The following COQ9 variants were observed in gnomAD, a reference collection of about 807,000 sequenced individuals.
The protein encoded by COQ9 is coenzyme Q9, also known as ubiquinone biosynthesis protein COQ9, mitochondrial.
In COQ9, 35 loss-of-function variants were observed where a neutral mutation model predicts 42.4. The ratio of observed to expected loss-of-function variants is 0.83; its 90% CI spans 0.63 to 1.10. The LOEUF (loss-of-function observed/expected upper bound fraction) is 1.10. Ranked by LOEUF, COQ9 falls within the 50% of genes least tolerant of loss-of-function variation. The pLI is 0.00. For synonymous variants in COQ9, 155 were observed against 155.1 expected (o/e 1.00, Z 0.00); for missense variants, 406 against 414.6 (o/e 0.98, Z 0.18).
rs2030155081 is a variant in COQ9 at position 57,447,597 on chromosome 16, C to T, written c.73+19C>T. 3 of 1,245,750 alleles carry T rather than the reference C, an allele frequency of 2.4e-6. No individual in the cohort carries two copies. The highest frequency in any genetic ancestry group is 3.7e-5 in the South Asian group (1 of 27,154). 77.2% of individuals were successfully genotyped at this position (1,245,750 alleles called of 1,614,324 possible). On this transcript the variant is annotated intron_variant, in intron 1 of 8. Coordinates refer to ENST00000262507, the MANE Select transcript of COQ9 (RefSeq NM_020312.4). Reference sequence around the variant, plus strand: ...CTGCCCGGTGAGGGGGCTGCCAAGCCGGGGAGAGGCGGGGAGCGCGGAGGG... The same window carrying T: ...CTGCCCGGTGAGGGGGCTGCCAAGCTGGGGAGAGGCGGGGAGCGCGGAGGG...
At position 57,447,481 on chromosome 16, in the gene COQ9, C is replaced by T. The variant is rs547268811; in HGVS notation, c.-25C>T. The stretch of plus-strand genomic sequence containing the variant: ...GTCCCGTAGCTACCGGTCGCGTCGC[C>T]GTGGGCGACGTGCCCGCTTCCAAAA... On this transcript the variant is annotated 5_prime_UTR_variant, in exon 1 of 9. Transcript: ENST00000262507. 6 of 1,281,306 alleles carry T rather than the reference C, an allele frequency of 4.7e-6. No individual in the cohort carries two copies. Among genetic ancestry groups the T allele is most frequent in the African/African-American group, 3.1e-5 (2 of 64,806 alleles). The allele number at this position is 1,281,306 out of a possible 1,614,324, so 79.4% of individuals were successfully genotyped here.
At chr16:57,449,301 G>A (rs565238180) in intron 1 of COQ9, among the ~76,000 whole-genome samples, 2 of 152,144 alleles carry the variant, frequency 1.3e-5, no homozygotes, top group Non-Finnish European at 2.9e-5. Flanking sequence ...CACTTTAAAG[G>A]GGGGTAGGGT....
Position 57,459,702 on chromosome 16 carries a change from G to A in COQ9, c.849G>A (p.Met283Ile), listed in dbSNP as rs863223939. Residue 283 changes from methionine (M) to isoleucine (I), a missense_variant, in exon 7 of 9, where the codon ATG (methionine) becomes ATA (isoleucine). By Grantham distance (10) the Met-to-Ile change is conservative (BLOSUM62 1). Transcript: ENST00000262507. ...LENRVNDAMN[M>I]GHTAKQVKST... The stretch of plus-strand genomic sequence containing the variant: ...ACCGGGTTAATGATGCAATGAACAT[G>A]GGCCACACTGCCAAGCAGGTAGGTG... The A allele has an allele frequency of 6.2e-7, 1 of 1,614,166 alleles. No homozygotes were observed. The highest frequency in any genetic ancestry group is 8.5e-7 in the Non-Finnish European group (1 of 1,180,008).
At position 57,447,540 on chromosome 16, in the gene COQ9, G is replaced by C; in HGVS notation, c.35G>C (p.Arg12Pro). ...GCGGCGGTATCTGGTGCGCTTGGCC[G>C]GGCGGGCTGGAGGCTCCTGCAGCTG... ...AAAAVSGALG[R>P]AGWRLLQLRC... Residue 12 changes from arginine (R) to proline (P), a missense_variant, in exon 1 of 9, where the codon CGG becomes CCG. Transcript: ENST00000262507. 7.6e-7 allele frequency: 1 copy of C among 1,309,736 alleles called. No homozygotes were observed. Among genetic ancestry groups the C allele is most frequent in the Non-Finnish European group, 9.8e-7 (1 of 1,023,584 alleles). 81.1% of individuals were successfully genotyped at this position (1,309,736 alleles called of 1,614,324 possible).
At chr16:57,454,693 A>G (rs1203049712) in intron 3 of COQ9, among the ~76,000 whole-genome samples, 2 of 152,192 alleles carry the variant, frequency 1.3e-5, no homozygotes, top group African/African-American at 4.8e-5. Context: ...GGTGGTCAGG[A>G]AAGGCTTTTG....
chr16:57,449,763 A>G (rs73561581), intron 1 of COQ9, among the ~76,000 whole-genome samples: 10,007 of 152,260 alleles, frequency 0.066, 372 homozygotes, highest in African/African-American at 0.1. Context: ...AGAGTGAAAA[A>G]TTCAGAACAG....
Position 57,460,716 on chromosome 16 carries a change from G to T in COQ9, c.*92G>T. 8.0e-7 allele frequency: 1 copy of T among 1,254,720 alleles called. No individual in the cohort carries two copies. The highest frequency in any genetic ancestry group is 1.2e-6 in the Non-Finnish European group (1 of 862,458). 77.7% of individuals were successfully genotyped at this position (1,254,720 alleles called of 1,614,324 possible). The stretch of plus-strand genomic sequence containing the variant: ...GTATAAGGTGCCATCCACATAACCT[G>T]GTGTTCACGAGAACACACTAAAGGA... On this transcript the variant is annotated 3_prime_UTR_variant, in exon 9 of 9. Coordinates refer to ENST00000262507, the MANE Select transcript of COQ9 (RefSeq NM_020312.4).
chr16:57,448,274 G>C (rs2030183118), intron 1 of COQ9, among the ~76,000 whole-genome samples: 1 of 151,562 alleles, frequency 6.6e-6, no homozygotes, highest in Non-Finnish European at 1.5e-5. Flanking sequence ...GCGGATATTT[G>C]TGCCGTATCT....
chr16:57,452,499 G>A (rs755963185), intron 2 of COQ9, among the ~76,000 whole-genome samples: 9 of 152,130 alleles, frequency 5.9e-5, no homozygotes, highest in Non-Finnish European at 1.2e-4. Flanking sequence ...AAAATTAGCC[G>A]GACATGGTGG....
intron 3 of COQ9, chr16:57,453,828 G>C (rs1193864863): frequency 1.3e-5 from 2 of 152,148 alleles, no homozygotes; most frequent in Non-Finnish European, 2.9e-5. Flanking sequence ...TTTATGCCTA[G>C]ATCTTTCCAA....
In COQ9 at chr16:57,461,111, C is replaced by A; in HGVS notation, c.*487C>A. 2.2e-6 allele frequency: 1 copy of A among 454,386 alleles called. No homozygotes were observed. Among genetic ancestry groups the A allele is most frequent in the East Asian group, 7.0e-5 (1 of 14,376 alleles). 28.1% of individuals were successfully genotyped at this position (454,386 alleles called of 1,614,324 possible). On this transcript the variant is annotated 3_prime_UTR_variant, in exon 9 of 9. Coordinates refer to ENST00000262507, the MANE Select transcript of COQ9 (RefSeq NM_020312.4). ...CCTCCCTCTCAGGTGTCCTGAGATG[C>A]TGTTCCTGGGAGCCCCCTCAGAAAA...
chr16:57,460,541 A>G (rs2030511422), intron 8 of COQ9, 48 bp from the exon 9 acceptor site: 1 of 1,579,902 alleles, frequency 6.3e-7, no homozygotes, highest in South Asian at 1.1e-5. Context: ...TAGAGTCTAG[A>G]GGCAAGGTAA....
At chr16:57,453,292 A>G (rs1365368674) in intron 3 of COQ9, 1 of 352,628 alleles carries the variant, frequency 2.8e-6, no homozygotes, top group African/African-American at 2.1e-5. Flanking sequence ...AACTATGACA[A>G]AGCACTTCTG....
At position 57,453,055 on chromosome 16, in the gene COQ9, A is replaced by C. The variant is rs2030325271; in HGVS notation, c.378+119A>C. ...TAGCTCAGAGCCCCTCACAGCTGCA[A>C]GATTGACTGGTTTTTTTCCCCCAAT... On this transcript the variant is annotated intron_variant, in intron 3 of 8. Transcript: ENST00000262507. 2.2e-6 allele frequency: 3 copies of C among 1,352,930 alleles called. No individual in the cohort carries two copies. The African/African-American group carries it at 4.3e-5, about 19-fold the overall frequency. The allele number at this position is 1,352,930 out of a possible 1,614,324, so 83.8% of individuals were successfully genotyped here.
rs1455739402 is a variant in COQ9, at chr16:57,459,511, G to A, written c.712-54G>A. The stretch of plus-strand genomic sequence containing the variant: ...CCAGGAGTTCCCATGGCCTTGGGTA[G>A]GAACTGCCTCAGACTTGCACCAGCC... On this transcript the variant is annotated intron_variant, in intron 6 of 8. Coordinates refer to ENST00000262507, the MANE Select transcript of COQ9 (RefSeq NM_020312.4). 6 of 1,604,578 alleles carry A rather than the reference G, an allele frequency of 3.7e-6. No individual in the cohort carries two copies. The East Asian group carries it at 1.3e-4, about 36-fold the overall frequency.
Position 57,456,987 on chromosome 16 carries a change from T to C in COQ9, c.578T>C (p.Leu193Pro), listed in dbSNP as rs747284373. 1 of 1,614,112 alleles carries C rather than the reference T, an allele frequency of 6.2e-7. No homozygotes were observed. The highest frequency in any genetic ancestry group is 8.5e-7 in the Non-Finnish European group (1 of 1,179,952). Residue 193 changes from leucine (L) to proline (P), a missense_variant, in exon 5 of 9, where the codon CTG becomes CCG. Physicochemically the swap from Leu to Pro is moderately conservative, Grantham distance 98. Transcript: ENST00000262507. ...GCAGTGGAAACCAGACTGAGAATGC[T>C]GATCCCATACATTGAGCACTGGCCC... ...RDAVETRLRM[L>P]IPYIEHWPRA...
rs148038874 is a variant in COQ9 at position 57,460,167 on chromosome 16, G to A, written c.921+63G>A. On this transcript the variant is annotated intron_variant, in intron 8 of 8. Coordinates refer to ENST00000262507, the MANE Select transcript of COQ9 (RefSeq NM_020312.4). The stretch of plus-strand genomic sequence containing the variant: ...CCCATTCCGGCTCTGTGATACATGT[G>A]TTACTGACTTCACATCATTTTGTAG... 7 of 1,494,260 alleles carry A rather than the reference G, an allele frequency of 4.7e-6. No homozygotes were observed. The Middle Eastern group carries it at 5.1e-4, about 110-fold the overall frequency. 92.6% of individuals were successfully genotyped at this position (1,494,260 alleles called of 1,614,324 possible).
At chr16:57,448,490 C>G (rs768256534) in intron 1 of COQ9, among the ~76,000 whole-genome samples, 3 of 152,004 alleles carry the variant, frequency 2.0e-5, no homozygotes, top group Non-Finnish European at 4.4e-5. Context: ...GTGGTACAAT[C>G]TCGGCTCACT....
At chr16:57,448,947 C>G (rs1229753625) in intron 1 of COQ9, among the ~76,000 whole-genome samples, 2 of 150,884 alleles carry the variant, frequency 1.3e-5, no homozygotes, top group African/African-American at 4.9e-5. Flanking sequence ...AAAAATCAGT[C>G]AAAGAGAAAG....
Sources: allele counts gnomAD v4.1 joint callset (sites outside exome capture counted in the v4.1 genomes callset), GRCh38; gene constraint gnomAD v4.1.1; transcripts MANE v1.5; gene names NCBI Gene and HGNC (gene_info 2026-07-23, HGNC 2026-07-21).